GABRA5: variants seen among roughly 807,000 people sequenced by gnomAD.
The protein encoded by GABRA5 is gamma-aminobutyric acid type A receptor subunit alpha5.
A neutral mutation model predicts 47.3 loss-of-function variants in GABRA5; 18 were observed. The ratio of observed to expected loss-of-function variants is 0.38; its 90% CI spans 0.26 to 0.56. The LOEUF is 0.56. Ranked by LOEUF, GABRA5 falls within the 20% of genes least tolerant of loss-of-function variation. The pLI is 0.71. For missense variants in GABRA5, 365 were observed against 599.3 expected (o/e 0.61, Z 4.08); for synonymous variants, 237 against 229.3 (o/e 1.03, Z -0.30).
chr15:26,930,095 C>A (rs1289936004), intron 7 of GABRA5, among the ~76,000 whole-genome samples: 1 of 151,276 alleles, frequency 6.6e-6, no homozygotes, highest in African/African-American at 2.4e-5. Context: ...TCACTGCAAC[C>A]TCCACCTCCC....
intron 6 of GABRA5, among the ~76,000 whole-genome samples, chr15:26,895,471 T>C (rs558946084): frequency 1.3e-5 from 2 of 152,190 alleles, no homozygotes; most frequent in African/African-American, 4.8e-5. Flanking sequence ...ATCCAACTGC[T>C]TCATGCCTTA....
At chr15:26,908,025 G>A (rs1485146328) in intron 6 of GABRA5, among the ~76,000 whole-genome samples, 2 of 152,162 alleles carry the variant, frequency 1.3e-5, no homozygotes, top group Admixed American at 1.3e-4. Context: ...GCATCAGGCA[G>A]GGCTCATGGG....
chr15:26,940,164 C>A (rs781181456), intron 9 of GABRA5, 87 bp downstream of exon 9: 38 of 1,129,744 alleles, frequency 3.4e-5, no homozygotes, highest in Non-Finnish European at 4.5e-5. Context: ...CTCCACGAAA[C>A]TTCTAGTGCT....
chr15:26,906,863 C>T (rs959938142), intron 6 of GABRA5, among the ~76,000 whole-genome samples: 2 of 152,128 alleles, frequency 1.3e-5, no homozygotes, highest in Admixed American at 6.6e-5. Flanking sequence ...AAAAAAGCAA[C>T]AGCTATGTTA....
At chr15:26,871,464 T>G (rs1200454924) in intron 3 of GABRA5, among the ~76,000 whole-genome samples, 1 of 152,192 alleles carries the variant, frequency 6.6e-6, no homozygotes, top group Non-Finnish European at 1.5e-5. Flanking sequence ...CCCTCAAACT[T>G]TCCAGAAAAT....
At chr15:26,937,695 G>A (rs1344737718) in intron 8 of GABRA5, among the ~76,000 whole-genome samples, 2 of 152,206 alleles carry the variant, frequency 1.3e-5, no homozygotes, top group African/African-American at 4.8e-5. Flanking sequence ...CCCTGGAGTT[G>A]AAATTGGGAA....
intron 3 of GABRA5, among the ~76,000 whole-genome samples, chr15:26,875,943 G>A (rs1014858907): frequency 5.9e-5 from 9 of 152,170 alleles, no homozygotes; most frequent in African/African-American, 2.2e-4. Context: ...AGTGAGGTGA[G>A]AGGGGGTTAA....
intron 6 of GABRA5, among the ~76,000 whole-genome samples, chr15:26,889,499 GA>G (rs1273808164): frequency 3.3e-5 from 5 of 152,002 alleles, no homozygotes; most frequent in African/African-American, 7.2e-5. Context: ...ACGGCCACTT[GA>G]GGGCAGCATT....
At chr15:26,884,059 T>G (rs1489734477) in intron 6 of GABRA5, among the ~76,000 whole-genome samples, 2 of 151,884 alleles carry the variant, frequency 1.3e-5, no homozygotes, top group South Asian at 4.2e-4. Context: ...CGAGGAGGCA[T>G]GCACCTGTGG....
At chr15:26,942,659 G>T (rs1409832423) in intron 9 of GABRA5, among the ~76,000 whole-genome samples, 2 of 152,164 alleles carry the variant, frequency 1.3e-5, no homozygotes, top group Non-Finnish European at 2.9e-5. Flanking sequence ...GCCTGGCTTT[G>T]TTCATGGCAG....
intron 7 of GABRA5, among the ~76,000 whole-genome samples, chr15:26,920,799 C>T (rs2140299615): frequency 1.3e-5 from 2 of 152,294 alleles, no homozygotes; most frequent in Middle Eastern, 6.8e-3. Context: ...AACTCACTTT[C>T]TTTATTCTAA....
chr15:26,943,396 C>G lies in GABRA5; in HGVS notation c.1059C>G (p.Gly353=), dbSNP rs746347028. 4 of 1,596,456 alleles carry G rather than the reference C, an allele frequency of 2.5e-6. No homozygotes were observed. The highest frequency in any genetic ancestry group is 1.7e-5 in the Admixed American group (1 of 57,614). ...CCAAGAGAGGCTGGGCCTGGGATGG[C>G]AAAAAAGCCTTGGAAGCAGCCAAGA... ...YFTKRGWAWD[G]KKALEAAKIK... is the part of the protein sequence containing the mutation. The change falls in exon 10 of 11, where the codon GGC becomes GGG. Residue 353 remains glycine, a synonymous_variant. Transcript: ENST00000335625.
intron 6 of GABRA5, among the ~76,000 whole-genome samples, chr15:26,908,292 T>C (rs897024330): frequency 2.0e-5 from 3 of 152,146 alleles, no homozygotes; most frequent in Non-Finnish European, 1.5e-5. Flanking sequence ...TCCGTGTGCA[T>C]GATGTGAATC....
intron 9 of GABRA5, among the ~76,000 whole-genome samples, chr15:26,942,365 C>T (rs186234144): frequency 5.9e-4 from 90 of 152,334 alleles, no homozygotes; most frequent in African/African-American, 1.4e-3. Flanking sequence ...CCATGCACAG[C>T]AGGCTCCAGG....
intron 7 of GABRA5, among the ~76,000 whole-genome samples, chr15:26,936,192 T>C (rs1308388629): frequency 6.6e-6 from 1 of 152,216 alleles, no homozygotes; most frequent in African/African-American, 2.4e-5. Context: ...CCCAGCCATG[T>C]GGAACTGTGA....
intron 8 of GABRA5, chr15:26,939,220 C>T (rs554885214): frequency 6.9e-5 from 53 of 764,784 alleles, no homozygotes; most frequent in Middle Eastern, 2.3e-4. Context: ...CCACAGCTCC[C>T]GACCTCAGCT....
intron 6 of GABRA5, among the ~76,000 whole-genome samples, chr15:26,898,223 TC>T (rs1893245217): frequency 6.6e-6 from 1 of 152,126 alleles, no homozygotes; most frequent in Non-Finnish European, 1.5e-5. Context: ...GAAAAACAAA[TC>T]CTCTGTTCAG....
intron 3 of GABRA5, among the ~76,000 whole-genome samples, chr15:26,879,491 G>C (rs1290419796): frequency 2.0e-5 from 3 of 152,150 alleles, no homozygotes. Context: ...ACATCTGTGG[G>C]CTCCGTACTA....
At chr15:26,929,830 C>T (rs1047033284) in intron 7 of GABRA5, among the ~76,000 whole-genome samples, 2 of 152,184 alleles carry the variant, frequency 1.3e-5, no homozygotes, top group Non-Finnish European at 2.9e-5. Context: ...TGCACAGCAG[C>T]TCTTGGCTTC....
Sources: allele counts gnomAD v4.1 joint callset (sites outside exome capture counted in the v4.1 genomes callset), GRCh38; gene constraint gnomAD v4.1.1; transcripts MANE v1.5; gene names NCBI Gene and HGNC (gene_info 2026-07-23, HGNC 2026-07-21).